The following MAPK4 variants were observed in gnomAD, a reference collection of about 807,000 sequenced individuals.
MAPK4 encodes the protein mitogen-activated protein kinase 4.
MAPK4 carries 22 observed loss-of-function variants against 47.7 expected under a neutral mutation model. The ratio of observed to expected loss-of-function variants is 0.46; its 90% confidence interval spans 0.33 to 0.66. MAPK4 has a LOEUF of 0.66. Among genes scored for constraint, MAPK4 ranks in the 30% least tolerant of loss-of-function variants. The pLI, the probability that MAPK4 is intolerant of heterozygous loss-of-function variation, is 0.02. For synonymous variants in MAPK4, 390 were observed against 365.7 expected, an observed-to-expected ratio of 1.07 and a Z score of -0.76; for missense variants, 736 against 831.7, an observed-to-expected ratio of 0.88 and a Z score of 1.42.
At chr18:50,714,817 T>C (rs1213579031) in intron 2 of MAPK4, among the ~76,000 whole-genome samples, 1 of 152,202 alleles carries the variant, frequency 6.6e-6, no homozygotes, top group Non-Finnish European at 1.5e-5. Flanking sequence ...AAAATATTAA[T>C]AACCTGAATT....
At chr18:50,688,520 C>T (rs1220319529) in intron 2 of MAPK4, among the ~76,000 whole-genome samples, 5 of 152,182 alleles carry the variant, frequency 3.3e-5, no homozygotes, top group Non-Finnish European at 5.9e-5. Flanking sequence ...AAAGAGGCTT[C>T]CCACAGAATT....
At chr18:50,645,771 G>T (rs1361051949) in intron 1 of MAPK4, among the ~76,000 whole-genome samples, 1 of 152,180 alleles carries the variant, frequency 6.6e-6, no homozygotes, top group African/African-American at 2.4e-5. Context: ...TGAGGGCATG[G>T]CATCTGAGGG....
intron 2 of MAPK4, among the ~76,000 whole-genome samples, chr18:50,688,386 C>A (rs1347925631): frequency 6.6e-6 from 1 of 152,178 alleles, no homozygotes; most frequent in Non-Finnish European, 1.5e-5. Flanking sequence ...CAGCAGTAAG[C>A]CTATCTCTAA....
chr18:50,602,451 C>A (rs927056753), intron 1 of MAPK4, among the ~76,000 whole-genome samples: 1 of 152,176 alleles, frequency 6.6e-6, no homozygotes, highest in Non-Finnish European at 1.5e-5. Flanking sequence ...GAATGACCAG[C>A]CCTGCCCCCT....
intron 1 of MAPK4, among the ~76,000 whole-genome samples, chr18:50,617,916 A>G (rs2042698567): frequency 6.6e-6 from 1 of 152,226 alleles, no homozygotes; most frequent in South Asian, 2.1e-4. Context: ...GTTGTTCTTG[A>G]CAAATGGTCA....
At chr18:50,660,209 A>G (rs771069465) in intron 1 of MAPK4, among the ~76,000 whole-genome samples, 1 of 152,238 alleles carries the variant, frequency 6.6e-6, no homozygotes, top group Non-Finnish European at 1.5e-5. Context: ...TTGAGAAGAG[A>G]GGCATAATAA....
intron 1 of MAPK4, among the ~76,000 whole-genome samples, chr18:50,600,809 G>GAAAA (rs562863530): frequency 6.9e-6 from 1 of 145,768 alleles, no homozygotes; most frequent in Non-Finnish European, 1.5e-5. Flanking sequence ...TTTAAAAAGT[G>GAAAA]AAAAAAAAAA....
chr18:50,722,481 G>A (rs1416361664), intron 4 of MAPK4, among the ~76,000 whole-genome samples: 5 of 152,186 alleles, frequency 3.3e-5, no homozygotes, highest in Admixed American at 6.5e-5. Context: ...CACCAGTGAT[G>A]AGCTGTGTGG....
chr18:50,728,220 T>C (rs929055913), intron 5 of MAPK4, among the ~76,000 whole-genome samples: 13 of 152,208 alleles, frequency 8.5e-5, no homozygotes, highest in African/African-American at 3.1e-4. Flanking sequence ...CCCAGGGTTC[T>C]AGGTAGAGCA....
At chr18:50,675,361 G>T (rs902374464) in intron 2 of MAPK4, among the ~76,000 whole-genome samples, 19 of 147,786 alleles carry the variant, frequency 1.3e-4, no homozygotes, top group Non-Finnish European at 8.9e-5. Context: ...TTGTAGCCCA[G>T]ACTGGAGTGC....
intron 2 of MAPK4, among the ~76,000 whole-genome samples, chr18:50,687,743 G>A (rs1446667077): frequency 1.3e-5 from 2 of 152,154 alleles, no homozygotes; most frequent in African/African-American, 2.4e-5. Flanking sequence ...ACTTGGGCAG[G>A]ACAAGCAAAA....
At chr18:50,701,896 C>G (rs1022663874) in intron 2 of MAPK4, among the ~76,000 whole-genome samples, 3 of 152,138 alleles carry the variant, frequency 2.0e-5, no homozygotes, top group African/African-American at 7.2e-5. Flanking sequence ...TGGCTCATGC[C>G]TGTAATCCCA....
chr18:50,594,141 A>C (rs1024332417), intron 1 of MAPK4, among the ~76,000 whole-genome samples: 2 of 152,210 alleles, frequency 1.3e-5, no homozygotes, highest in Admixed American at 1.3e-4. Context: ...GAAATATGAA[A>C]GCCGGAAGAC....
rs138398719 is a variant in MAPK4 at position 50,678,850 on chromosome 18, C to T, written c.546+14346C>T. ...CCTTGCCCTCCCTTTTGTGGCATGG[C>T]GGCCCCACCTTTGGCTTTCAGATGA... On this transcript the variant is annotated intron_variant, in intron 2 of 5. Coordinates refer to ENST00000400384, the MANE Select transcript of MAPK4 (RefSeq NM_002747.4). This position sits in a 1 kb window ranked among gnomAD's most constrained non-coding sequence, Gnocchi z 4.2. Among the ~76,000 whole-genome samples the T allele has an allele frequency of 3.4e-3, 521 of 152,232 alleles. 9 individuals are homozygous for T. Among genetic ancestry groups the T allele is most frequent in the Non-Finnish European group, 6.5e-4 (44 of 68,010 alleles).
chr18:50,688,889 TA>T (rs35330620), intron 2 of MAPK4, among the ~76,000 whole-genome samples: 19 of 115,890 alleles, frequency 1.6e-4, no homozygotes, highest in African/African-American at 4.0e-4. Flanking sequence ...CCTATGGAAA[TA>T]AAAAAAAAAA....
At chr18:50,609,143 C>G (rs1332734936) in intron 1 of MAPK4, among the ~76,000 whole-genome samples, 2 of 152,104 alleles carry the variant, frequency 1.3e-5, no homozygotes, top group African/African-American at 4.8e-5. Flanking sequence ...CAGCAACAAT[C>G]TGATTTCTCT....
intron 2 of MAPK4, among the ~76,000 whole-genome samples, chr18:50,693,743 T>G (rs1465900425): frequency 6.6e-6 from 1 of 152,212 alleles, no homozygotes; most frequent in East Asian, 1.9e-4. Context: ...ATTCCCGTGG[T>G]AATCCTGTGG....
chr18:50,573,878 T>C (rs2042271725), intron 1 of MAPK4, among the ~76,000 whole-genome samples: 1 of 152,192 alleles, frequency 6.6e-6, no homozygotes, highest in Non-Finnish European at 1.5e-5. Flanking sequence ...TTGAGCCTCC[T>C]AGTGGTGCTG....
chr18:50,609,263 C>T (rs1408417481), intron 1 of MAPK4, among the ~76,000 whole-genome samples: 3 of 151,834 alleles, frequency 2.0e-5, no homozygotes, highest in Non-Finnish European at 4.4e-5. Context: ...GGCGGCCGGG[C>T]AGAGGGGCTC....
Sources: allele counts gnomAD v4.1 joint callset (sites outside exome capture counted in the v4.1 genomes callset), GRCh38; gene constraint gnomAD v4.1.1; non-coding constraint Gnocchi (gnomAD v3.1); transcripts MANE v1.5; gene names NCBI Gene and HGNC (gene_info 2026-07-23, HGNC 2026-07-21).